Variants in PDE6A observed in about 807,000 individuals in gnomAD.
The protein encoded by PDE6A is phosphodiesterase 6A.
In PDE6A, 84 loss-of-function variants were observed where a neutral mutation model predicts 106.3. That is an observed-to-expected ratio of 0.79 (90% CI 0.66 to 0.95). The LOEUF (loss-of-function observed/expected upper bound fraction) is 0.95, where lower values mean the gene tolerates loss of function less well. PDE6A is among the 40% of genes least tolerant of loss of function. PDE6A has a pLI of 0.00. For synonymous variants in PDE6A, 394 were observed against 386.6 expected, an observed-to-expected ratio of 1.02 and a Z score of -0.23; for missense variants, 1,052 against 1,084.9, an observed-to-expected ratio of 0.97 and a Z score of 0.43.
intron 5 of PDE6A, among the ~76,000 whole-genome samples, chr5:149,920,959 A>AAAGAAAGAAAG (rs1753693000): frequency 7.7e-6 from 1 of 129,080 alleles, no homozygotes; most frequent in Non-Finnish European, 1.5e-5. Context: ...AGAAAGAAAG[A>AAAGAAAGAAAG]AAGAAAGAAA....
intron 6 of PDE6A, among the ~76,000 whole-genome samples, chr5:149,910,419 C>T (rs1200197825): frequency 2.6e-5 from 4 of 152,172 alleles, no homozygotes; most frequent in Non-Finnish European, 4.4e-5. Flanking sequence ...TAACCTATAA[C>T]GTAATCTATA....
intron 1 of PDE6A, among the ~76,000 whole-genome samples, chr5:149,941,762 G>A (rs958802831): frequency 2.6e-5 from 4 of 152,216 alleles, no homozygotes; most frequent in African/African-American, 9.6e-5. Context: ...CTGAGGAACA[G>A]TCCCAGATTC....
chr5:149,892,532 C>G (rs147519277), intron 13 of PDE6A, among the ~76,000 whole-genome samples: 2,660 of 149,964 alleles, frequency 0.018, 56 homozygotes, highest in Non-Finnish European at 0.023. Context: ...CACTCTGTCA[C>G]CCAGGCTGTA....
chr5:149,899,655 C>T, intron 8 of PDE6A, 131 bp from the exon 9 acceptor site: 9 of 906,640 alleles, frequency 9.9e-6, no homozygotes, highest in Admixed American at 1.7e-5. Flanking sequence ...CATTGGATTT[C>T]GCATGAGTTT....
chr5:149,870,637 G>T (rs952611962), intron 17 of PDE6A, among the ~76,000 whole-genome samples: 2 of 152,042 alleles, frequency 1.3e-5, no homozygotes, highest in African/African-American at 4.8e-5. Context: ...TTCGAGACTT[G>T]TGCCCTAAAG....
At chr5:149,878,256 C>T (rs939557319) in intron 17 of PDE6A, among the ~76,000 whole-genome samples, 11 of 151,790 alleles carry the variant, frequency 7.2e-5, no homozygotes, top group African/African-American at 1.9e-4. Flanking sequence ...AAGATGCCTA[C>T]GTAAGGTCAC....
At chr5:149,936,030 T>G (rs1340541994) in intron 1 of PDE6A, among the ~76,000 whole-genome samples, 1 of 152,152 alleles carries the variant, frequency 6.6e-6, no homozygotes, top group African/African-American at 2.4e-5. Flanking sequence ...GACATGTGCC[T>G]GTAGTTCCAG....
At chr5:149,885,508 G>A (rs949039024) in intron 14 of PDE6A, among the ~76,000 whole-genome samples, 2 of 152,216 alleles carry the variant, frequency 1.3e-5, no homozygotes, top group Non-Finnish European at 2.9e-5. Context: ...TGTAAGGACA[G>A]GAGCTGTTTT....
chr5:149,893,997 C>T (rs1413375200), intron 13 of PDE6A, among the ~76,000 whole-genome samples: 3 of 152,142 alleles, frequency 2.0e-5, no homozygotes. Context: ...TCCAATGGGG[C>T]TCCTGGGGGC....
chr5:149,932,222 A>G (rs1754054912), intron 3 of PDE6A: 7 of 1,358,502 alleles, frequency 5.2e-6, no homozygotes, highest in Middle Eastern at 1.8e-4. Flanking sequence ...TTGAAATGCC[A>G]TAAAGAGAAT....
At chr5:149,897,025 A>G (rs2113588944) in intron 10 of PDE6A, among the ~76,000 whole-genome samples, 1 of 152,338 alleles carries the variant, frequency 6.6e-6, no homozygotes, top group African/African-American at 2.4e-5. Flanking sequence ...CTCATCTGTA[A>G]GTTGAGGATA....
In PDE6A at chr5:149,900,375, GTATA is replaced by G. The variant is rs55680278; in HGVS notation, c.1114-855_1114-852del. ...AGACTCCATCTCGAAAAATATATATGTATATATATATATATATATATATCCGTTG... is the reference window on the plus strand; with the variant it reads ...AGACTCCATCTCGAAAAATATATATGTATATATATATATATATATCCGTTG... On this transcript the variant is annotated intron_variant, in intron 8 of 21. Coordinates refer to ENST00000255266, the MANE Select transcript of PDE6A (RefSeq NM_000440.3). 7.9e-3 allele frequency among the ~76,000 whole-genome samples: 650 copies of G among 82,650 alleles called. 43 individuals are homozygous for G. Among genetic ancestry groups the G allele is most frequent in the African/African-American group, 0.023 (607 of 26,284 alleles). 54.2% of individuals were successfully genotyped at this position (82,650 alleles called of 152,430 possible). A position where few individuals can be genotyped will look rare whatever the true frequency, so the allele number is the denominator to read the frequency against.
At chr5:149,885,880 A>G (rs1046747294) in intron 14 of PDE6A, among the ~76,000 whole-genome samples, 3 of 152,166 alleles carry the variant, frequency 2.0e-5, no homozygotes, top group African/African-American at 4.8e-5. Flanking sequence ...CTTGTAGGCC[A>G]TGCCTCCATC....
intron 17 of PDE6A, among the ~76,000 whole-genome samples, chr5:149,875,487 ATTTTT>A (rs201444448): frequency 7.3e-6 from 1 of 137,856 alleles, no homozygotes; most frequent in Non-Finnish European, 1.6e-5. Context: ...CATACTGACT[ATTTTT>A]TTTTTTTTTT....
chr5:149,915,733 C>A (rs965877624), intron 5 of PDE6A, among the ~76,000 whole-genome samples: 4 of 152,108 alleles, frequency 2.6e-5, no homozygotes, highest in Non-Finnish European at 5.9e-5. Flanking sequence ...AGTTGAGAAG[C>A]CAGGGGGCAA....
intron 8 of PDE6A, among the ~76,000 whole-genome samples, chr5:149,901,497 C>T (rs1159612182): frequency 6.6e-6 from 1 of 152,144 alleles, no homozygotes; most frequent in Non-Finnish European, 1.5e-5. Flanking sequence ...CACTGTACTC[C>T]AGCCTGGGCA....
intron 13 of PDE6A, among the ~76,000 whole-genome samples, chr5:149,890,835 TAAA>T (rs1561719335): frequency 6.6e-6 from 1 of 152,202 alleles, no homozygotes; most frequent in Non-Finnish European, 1.5e-5. Context: ...AATTGAAAAT[TAAA>T]ACAAATGATT....
chr5:149,886,823 C>T (rs748535359), intron 13 of PDE6A, among the ~76,000 whole-genome samples: 1 of 152,198 alleles, frequency 6.6e-6, no homozygotes, highest in East Asian at 1.9e-4. Flanking sequence ...TGGAGGAATC[C>T]TTCCCTGGGA....
At chr5:149,884,386 A>ATGTGTATATATGTATATATATGTG in intron 16 of PDE6A, 93 bp downstream of exon 16, 1 of 764,274 alleles carries the variant, frequency 1.3e-6, no homozygotes, top group Non-Finnish European at 2.3e-6. Flanking sequence ...GTGTATATAT[A>ATGTGTATATATGTATATATATGTG]TGTGTATATA....
Sources: allele counts gnomAD v4.1 joint callset (sites outside exome capture counted in the v4.1 genomes callset), GRCh38; gene constraint gnomAD v4.1.1; transcripts MANE v1.5; gene names NCBI Gene and HGNC (gene_info 2026-07-23, HGNC 2026-07-21).